ZNF732: variants seen among roughly 807,000 people sequenced by gnomAD.
ZNF732 encodes the protein zinc finger protein 732.
ZNF732 carries 12 observed loss-of-function variants against 11.5 expected under a neutral mutation model. The observed-to-expected ratio is 1.05, with a 90% CI of 0.67 to 1.70. The LOEUF is 1.70. Among genes scored for constraint, ZNF732 ranks in the 40% most tolerant of loss-of-function variants. The pLI, the probability that ZNF732 is intolerant of heterozygous loss-of-function variation, is 0.00. For synonymous variants in ZNF732, 231 were observed against 236.5 expected, an observed-to-expected ratio of 0.98 and a Z score of 0.21; for missense variants, 702 against 676.9, an observed-to-expected ratio of 1.04 and a Z score of -0.41.
At chr4:287,215 C>A (rs1719748887) in intron 3 of ZNF732, among the ~76,000 whole-genome samples, 1 of 151,570 alleles carries the variant, frequency 6.6e-6, no homozygotes, top group South Asian at 2.1e-4. Flanking sequence ...TGAAACTTAA[C>A]ATACTTTTTT....
intron 3 of ZNF732, among the ~76,000 whole-genome samples, chr4:280,409 A>C (rs1719597835): frequency 6.6e-6 from 1 of 151,908 alleles, no homozygotes; most frequent in African/African-American, 2.4e-5. Context: ...GACCATCTCT[A>C]CTAAAAATAC....
chr4:286,384 T>C (rs1054711145), intron 3 of ZNF732, among the ~76,000 whole-genome samples: 5 of 152,224 alleles, frequency 3.3e-5, no homozygotes, highest in African/African-American at 9.6e-5. Context: ...TCCATATTCA[T>C]TGTGGCATCA....
Position 305,341 on chromosome 4 carries a change from A to C in ZNF732, c.-31T>G, listed in dbSNP as rs782725644. ...CACTTCAGGGGTGTAGCGGAGTCTC[A>C]GCTACGAATCATCCAATACCCGCAG... On this transcript the variant is annotated 5_prime_UTR_variant, in exon 1 of 4. An upstream open reading frame in the 5' UTR loses its in-frame stop. Transcript: ENST00000419098. The C allele has an allele frequency of 1.2e-6, 2 of 1,607,238 alleles. No individual in the cohort carries two copies. The highest frequency in any genetic ancestry group is 1.7e-6 in the Non-Finnish European group (2 of 1,179,640).
Position 295,676 on chromosome 4 carries a change from T to C in ZNF732, c.131-143A>G, listed in dbSNP as rs955685915. On this transcript the variant is annotated intron_variant, in intron 2 of 3. Coordinates refer to ENST00000419098, the MANE Select transcript of ZNF732 (RefSeq NM_001137608.3). ...GTTTCCTGGCAGAATCTTTAAAATA[T>C]TTAAGTATTTTAAATCTGTGGGTTC... 3.3e-5 allele frequency: 25 copies of C among 759,758 alleles called. 1 individual carries two copies. In the East Asian group the frequency reaches 5.3e-4, roughly 16 times the overall value. The allele number at this position is 759,758 out of a possible 1,614,324, so 47.1% of individuals were successfully genotyped here. A position where few individuals can be genotyped will look rare whatever the true frequency, so the allele number is the denominator to read the frequency against.
At chr4:289,276 C>A (rs1553841043) in intron 3 of ZNF732, among the ~76,000 whole-genome samples, 1 of 152,250 alleles carries the variant, frequency 6.6e-6, no homozygotes, top group East Asian at 1.9e-4. Context: ...CTCTACCTGC[C>A]ACCCTGCATG....
Position 283,935 on chromosome 4 carries a change from G to A in ZNF732, c.227-11305C>T, listed in dbSNP as rs369013277. On this transcript the variant is annotated intron_variant, in intron 3 of 3. Transcript: ENST00000419098. ...TGTTTTTTTTAGTTTTTTTGAGAAG[G>A]AGTCTTGCTCTGTCGCCCAGGCTGT... Among the ~76,000 whole-genome samples, 4 of 151,782 alleles carry A rather than the reference G, an allele frequency of 2.6e-5. No homozygotes were observed. In the East Asian group the frequency reaches 7.8e-4, roughly 29 times the overall value.
At chr4:277,124 C>A (rs779113392) in intron 3 of ZNF732, among the ~76,000 whole-genome samples, 6 of 151,944 alleles carry the variant, frequency 3.9e-5, no homozygotes, top group Non-Finnish European at 5.9e-5. Context: ...AGGCTCCTAC[C>A]TCTTACAATA....
At chr4:287,164 A>C (rs567607729) in intron 3 of ZNF732, among the ~76,000 whole-genome samples, 18 of 152,206 alleles carry the variant, frequency 1.2e-4, no homozygotes, top group African/African-American at 4.1e-4. Flanking sequence ...ACAAAACTAG[A>C]AATCAAAAGC....
rs1720031581 is a variant in ZNF732 at position 299,360 on chromosome 4, T to TACACATATGTGTATATATATAC, written c.4-3206_4-3205insGTATATATATACACATATGTGT. ...AGTTATGAGTATATATACACATATA[T>TACACATATGTGTATATATATAC]ACACATATGTGTATATATATATACA... is the stretch of plus-strand genomic sequence containing the variant. On this transcript the variant is annotated intron_variant, in intron 1 of 3. Coordinates refer to ENST00000419098, the MANE Select transcript of ZNF732 (RefSeq NM_001137608.3). Among the ~76,000 whole-genome samples the TACACATATGTGTATATATATAC allele has an allele frequency of 4.5e-5, 5 of 110,586 alleles. No individual in the cohort carries two copies. In the South Asian group the frequency reaches 1.5e-3, roughly 33 times the overall value. 72.5% of individuals were successfully genotyped at this position (110,586 alleles called of 152,430 possible).
At chr4:280,247 T>C (rs1234149209) in intron 3 of ZNF732, among the ~76,000 whole-genome samples, 2 of 149,552 alleles carry the variant, frequency 1.3e-5, no homozygotes, top group African/African-American at 4.9e-5. Context: ...TATGTACTTA[T>C]GAAGATCCAG....
At chr4:280,191 T>C (rs1719589329) in intron 3 of ZNF732, among the ~76,000 whole-genome samples, 1 of 151,112 alleles carries the variant, frequency 6.6e-6, no homozygotes, top group Admixed American at 6.6e-5. Flanking sequence ...GATGTAGATG[T>C]ATCATAAAAA....
At chr4:300,298 TAAAAAATAC>T (rs2108662118) in intron 1 of ZNF732, among the ~76,000 whole-genome samples, 1 of 150,104 alleles carries the variant, frequency 6.7e-6, no homozygotes, top group African/African-American at 2.4e-5. Flanking sequence ...CCGTCTCAGC[TAAAAAATAC>T]AAAAAATTAG....
At chr4:299,449 A>ACACATATG (rs1720050057) in intron 1 of ZNF732, among the ~76,000 whole-genome samples, 1 of 90,742 alleles carries the variant, frequency 1.1e-5, no homozygotes, top group Admixed American at 1.2e-4. Context: ...ATATATATAT[A>ACACATATG]TACACATATG....
intron 1 of ZNF732, among the ~76,000 whole-genome samples, chr4:304,778 A>AG (rs1390272804): frequency 6.6e-6 from 1 of 152,236 alleles, no homozygotes; most frequent in African/African-American, 2.4e-5. Flanking sequence ...GCACAGGGCA[A>AG]GGGGACTGGT....
Position 270,997 on chromosome 4 carries a change from G to T in ZNF732, c.*102C>A. On this transcript the variant is annotated 3_prime_UTR_variant, in exon 4 of 4. Transcript: ENST00000419098. The stretch of plus-strand genomic sequence containing the variant: ...GGGTTGTGGACCATCCAAAAGCTTT[G>T]CCACATTCTTCACATTTGTATAGTT... The T allele has an allele frequency of 2.9e-6, 3 of 1,030,806 alleles. No homozygotes were observed. The highest frequency in any genetic ancestry group is 4.3e-6 in the Non-Finnish European group (3 of 697,760). 63.9% of individuals were successfully genotyped at this position (1,030,806 alleles called of 1,614,324 possible). A position where few individuals can be genotyped will look rare whatever the true frequency, so the allele number is the denominator to read the frequency against.
intron 3 of ZNF732, among the ~76,000 whole-genome samples, chr4:280,294 GAA>G (rs59901961): frequency 7.0e-6 from 1 of 142,746 alleles, no homozygotes; most frequent in African/African-American, 2.6e-5. Flanking sequence ...ACAGCAGTAA[GAA>G]AAAAAAAAAA....
chr4:270,769 G>T lies in ZNF732; in HGVS notation c.*330C>A. 4.0e-6 allele frequency: 2 copies of T among 494,052 alleles called. No homozygotes were observed. Among genetic ancestry groups the T allele is most frequent in the East Asian group, 4.4e-5 (1 of 22,478 alleles). The allele number at this position is 494,052 out of a possible 1,614,324, so 30.6% of individuals were successfully genotyped here. A position where few individuals can be genotyped will look rare whatever the true frequency, so the allele number is the denominator to read the frequency against. ...TTTCCCACATTCTTTACATTTGTAGGATTCATCTCCCATATGAATTTTCTT... is the reference window on the plus strand; with the variant it reads ...TTTCCCACATTCTTTACATTTGTAGTATTCATCTCCCATATGAATTTTCTT... On this transcript the variant is annotated 3_prime_UTR_variant, in exon 4 of 4. Transcript: ENST00000419098.
Position 271,950 on chromosome 4 carries a change from C to G in ZNF732, c.907G>C (p.Glu303Gln). The G allele has an allele frequency of 1.9e-6, 3 of 1,607,598 alleles. No individual in the cohort carries two copies. The highest frequency in any genetic ancestry group is 1.7e-6 in the Non-Finnish European group (2 of 1,176,704). ...VAKHKKIHTG[E>Q]KLYKCQECGK... ...CATTCCTGACATTTGTAGAGTTTCT[C>G]TCCGGTATGAATTTTCTTATGTTTG... The change falls in exon 4 of 4, where the codon GAG (glutamate) becomes CAG (glutamine). Residue 303 changes from glutamate (E) to glutamine (Q), a missense_variant. By Grantham distance (29) the Glu-to-Gln change is conservative (BLOSUM62 2). Around this residue, in one of 3 missense-constraint regions of ZNF732, gnomAD observed 596 missense variants for 557.9 expected, o/e 1.07. Coordinates refer to ENST00000419098, the MANE Select transcript of ZNF732 (RefSeq NM_001137608.3).
chr4:273,900 T>C (rs548238185), intron 3 of ZNF732, among the ~76,000 whole-genome samples: 1 of 150,572 alleles, frequency 6.6e-6, no homozygotes, highest in African/African-American at 2.4e-5. Flanking sequence ...GTGGGAATCA[T>C]ATAACCAGCA....
Sources: gnomAD v4.1 joint callset for allele counts (sites outside exome capture counted in the v4.1 genomes callset) on GRCh38, gnomAD v4.1.1 for gene constraint, gnomAD v4.1.1 regional missense constraint, MANE v1.5 for transcripts, NCBI Gene and HGNC (gene_info 2026-07-23, HGNC 2026-07-21) for gene names.